NCOR1: variants seen among roughly 807,000 people sequenced by gnomAD.
NCOR1 encodes the protein nuclear receptor corepressor 1.
Under a neutral mutation model 288.1 loss-of-function variants are expected in NCOR1, and 63 were observed. The ratio of observed to expected loss-of-function variants is 0.22; its 90% CI spans 0.18 to 0.27. The LOEUF is 0.27. NCOR1 is among the 10% of genes least tolerant of loss of function. The probability of loss-of-function intolerance (pLI) is 1.00; values close to 1 mark genes in which losing one functional copy is unlikely to be tolerated. For missense variants in NCOR1, 2,397 were observed against 3,019.2 expected (o/e 0.79, Z 4.83); for synonymous variants, 1,007 against 1,065.9 (o/e 0.94, Z 1.08).
chr17:16,200,019 C>T (rs1227475962), intron 1 of NCOR1, among the ~76,000 whole-genome samples: 2 of 151,836 alleles, frequency 1.3e-5, no homozygotes, highest in East Asian at 3.9e-4. Context: ...AATAAACGCA[C>T]ACATATTTAC....
At chr17:16,057,404 A>G (rs2060061346) in intron 40 of NCOR1, 110 bp downstream of exon 40, 1 of 1,068,958 alleles carries the variant, frequency 9.4e-7, no homozygotes, top group Non-Finnish European at 1.4e-6. Context: ...TTTCCTGGGA[A>G]TAAAGGCAAA....
chr17:16,156,782 CATCT>C (rs1337480305), intron 6 of NCOR1, among the ~76,000 whole-genome samples: 2 of 152,062 alleles, frequency 1.3e-5, no homozygotes, highest in African/African-American at 4.8e-5. Context: ...TTAATAAAAA[CATCT>C]ATATATAAAA....
intron 42 of NCOR1, chr17:16,044,295 C>T (rs139889490): frequency 1.1e-4 from 49 of 429,816 alleles, no homozygotes; most frequent in African/African-American, 9.2e-4. Flanking sequence ...TAATTAAGAG[C>T]GAGGACAAGT....
intron 3 of NCOR1, among the ~76,000 whole-genome samples, chr17:16,178,310 T>C (rs1225078137): frequency 6.6e-6 from 1 of 151,858 alleles, no homozygotes; most frequent in East Asian, 1.9e-4. Flanking sequence ...CCATCCTGAC[T>C]AACACAGTGA....
At chr17:16,071,688 A>T (rs758328594) in intron 29 of NCOR1, 23 bp from the exon 30 acceptor site, 18 of 1,598,790 alleles carry the variant, frequency 1.1e-5, no homozygotes, top group Non-Finnish European at 1.5e-5. Flanking sequence ...TTCAGGAAAC[A>T]TTAAAATAAT....
At chr17:16,037,345 G>GC (rs1216166451) in intron 44 of NCOR1, among the ~76,000 whole-genome samples, 2 of 152,042 alleles carry the variant, frequency 1.3e-5, no homozygotes, top group East Asian at 3.9e-4. Context: ...ACAAAGGAGA[G>GC]CCCATGCTAT....
At chr17:16,071,706 G>GT (rs2061779817) in intron 29 of NCOR1, 41 bp from the exon 30 acceptor site, 2 of 1,569,570 alleles carry the variant, frequency 1.3e-6, no homozygotes, top group African/African-American at 2.7e-5. Flanking sequence ...AATGCTGATG[G>GT]TTGCACAACA....
At chr17:16,128,872 G>A (rs1472935991) in intron 14 of NCOR1, among the ~76,000 whole-genome samples, 1 of 152,010 alleles carries the variant, frequency 6.6e-6, no homozygotes, top group Non-Finnish European at 1.5e-5. Flanking sequence ...TAATCCAAGG[G>A]GCAAGGAAAG....
At chr17:16,090,411 C>T (rs1297380627) in intron 22 of NCOR1, among the ~76,000 whole-genome samples, 1 of 152,050 alleles carries the variant, frequency 6.6e-6, no homozygotes, top group Non-Finnish European at 1.5e-5. Flanking sequence ...CCTCATAATT[C>T]GAATGTTCAA....
chr17:16,194,280 A>G (rs1025796402), intron 2 of NCOR1, among the ~76,000 whole-genome samples, 182 bp downstream of exon 2: 3 of 101,168 alleles, frequency 3.0e-5, no homozygotes, highest in African/African-American at 1.3e-4. Flanking sequence ...ATCAGCATAA[A>G]GCCACAGTAA....
intron 18 of NCOR1, among the ~76,000 whole-genome samples, chr17:16,109,162 C>A (rs1471936100): frequency 6.6e-6 from 1 of 152,068 alleles, no homozygotes; most frequent in Admixed American, 6.6e-5. Flanking sequence ...GAATTACTCA[C>A]CACTATACAT....
At chr17:16,101,849 T>C in intron 19 of NCOR1, 92 bp from the exon 20 acceptor site, 2 of 1,462,100 alleles carry the variant, frequency 1.4e-6, no homozygotes, top group Non-Finnish European at 1.9e-6. Flanking sequence ...AATGAACATG[T>C]TTCAGGTGGT....
intron 6 of NCOR1, among the ~76,000 whole-genome samples, chr17:16,155,350 CAAAAAA>C (rs11367956): frequency 8.7e-6 from 1 of 114,898 alleles, no homozygotes; most frequent in Non-Finnish European, 1.8e-5. Flanking sequence ...GACTGTGTCT[CAAAAAA>C]AAAAAAAAAA....
chr17:16,204,557 T>C (rs962249690), intron 1 of NCOR1, among the ~76,000 whole-genome samples: 6 of 152,148 alleles, frequency 3.9e-5, no homozygotes, highest in African/African-American at 1.4e-4. Flanking sequence ...CATGTATACA[T>C]TGTTTTTCAT....
intron 29 of NCOR1, 123 bp from the exon 30 acceptor site, chr17:16,071,788 AAAT>A: frequency 1.1e-6 from 1 of 885,790 alleles, no homozygotes; most frequent in Non-Finnish European, 1.7e-6. Flanking sequence ...ACATAATTTA[AAAT>A]AATGCCTTGA....
At chr17:16,119,320 A>C (rs1297968068) in intron 17 of NCOR1, 103 bp downstream of exon 17, 1 of 852,798 alleles carries the variant, frequency 1.2e-6, no homozygotes, top group African/African-American at 1.7e-5. Flanking sequence ...CCTTTTTGAA[A>C]GAATTTTTTT....
intron 18 of NCOR1, among the ~76,000 whole-genome samples, chr17:16,114,931 G>A (rs2071249977): frequency 2.0e-5 from 3 of 152,058 alleles, no homozygotes; most frequent in Admixed American, 6.6e-5. Context: ...CTAGTAGGGA[G>A]TCTGACCCCC....
At chr17:16,154,755 T>C (rs1306635961) in intron 6 of NCOR1, among the ~76,000 whole-genome samples, 1 of 152,094 alleles carries the variant, frequency 6.6e-6, no homozygotes, top group East Asian at 1.9e-4. Context: ...GACGAAAATA[T>C]GAAAGATGGG....
At chr17:16,147,980 G>C (rs1282815101) in intron 9 of NCOR1, among the ~76,000 whole-genome samples, 1 of 152,092 alleles carries the variant, frequency 6.6e-6, no homozygotes, top group Non-Finnish European at 1.5e-5. Flanking sequence ...ACCACGCCTG[G>C]CTAATTTTGT....
Sources: allele counts gnomAD v4.1 joint callset (sites outside exome capture counted in the v4.1 genomes callset), GRCh38; gene constraint gnomAD v4.1.1; transcripts MANE v1.5; gene names NCBI Gene and HGNC (gene_info 2026-07-23, HGNC 2026-07-21).